The following PLEC variants were observed in gnomAD, a reference collection of about 807,000 sequenced individuals.
PLEC encodes plectin.
PLEC carries 216 observed loss-of-function variants against 392.8 expected under a neutral mutation model. The ratio of observed to expected loss-of-function variants is 0.55; its 90% CI spans 0.49 to 0.62. PLEC has a LOEUF of 0.62. Among genes scored for constraint, PLEC ranks in the 20% least tolerant of loss-of-function variants. The probability of loss-of-function intolerance (pLI) is 0.00; values close to 1 mark genes in which losing one functional copy is unlikely to be tolerated. For missense variants in PLEC, 6,863 were observed against 6,563.4 expected (o/e 1.05, Z -1.58); for synonymous variants, 3,621 against 2,980.6 (o/e 1.21, Z -7.00).
At chr8:143,942,049 C>G (rs1330857642), upstream of PLEC, among the ~76,000 whole-genome samples, 1 of 152,156 alleles carries the variant, frequency 6.6e-6, no homozygotes, top group Admixed American at 6.5e-5. Flanking sequence ...GCAGCAAGTC[C>G]ACAGAAGGCC....
upstream of PLEC, among the ~76,000 whole-genome samples, chr8:143,942,105 AC>A (rs1830567849): frequency 6.6e-6 from 1 of 151,504 alleles, no homozygotes; most frequent in Admixed American, 6.6e-5. Context: ...TGTCCTGGAA[AC>A]CCAGGCCAAA....
At chr8:143,952,376 C>G (rs1832279774), upstream of PLEC, among the ~76,000 whole-genome samples, 1 of 152,174 alleles carries the variant, frequency 6.6e-6, no homozygotes, top group Non-Finnish European at 1.5e-5. Flanking sequence ...AAAGGCCAGC[C>G]TCAGGAGGTG....
chr8:143,920,659 G>A lies in PLEC; in HGVS notation c.9162C>T (p.Ala3054=), dbSNP rs782644401. 22 of 1,604,128 alleles carry A rather than the reference G, an allele frequency of 1.4e-5. No individual in the cohort carries two copies. Among genetic ancestry groups the A allele is most frequent in the South Asian group, 5.5e-5 (5 of 91,086 alleles). The change falls in exon 32 of 32, where the codon GCC becomes GCT. Residue 3054 remains alanine (A), a synonymous_variant. Coordinates refer to ENST00000345136, the MANE Select transcript of PLEC (RefSeq NM_201384.3). ...CGGCCTGGGCTTCCAACAGGGCCACGGCCATGTCGGATGGCAGCAGGTCTT... is the reference window on the plus strand; with the variant it reads ...CGGCCTGGGCTTCCAACAGGGCCACAGCCATGTCGGATGGCAGCAGGTCTT... ...LKKDLLPSDM[A]VALLEAQAGT...
upstream of PLEC, among the ~76,000 whole-genome samples, chr8:143,955,086 G>T (rs782481863): frequency 6.6e-6 from 1 of 152,088 alleles, no homozygotes; most frequent in African/African-American, 2.4e-5. Context: ...CCCCCTGCCC[G>T]TCCCTGCCCT....
At chr8:143,931,898 G>A (rs1325290288) in intron 18 of PLEC, 39 bp downstream of exon 18, 3 of 1,552,000 alleles carry the variant, frequency 1.9e-6, no homozygotes, top group Admixed American at 3.6e-5. Context: ...CTGCAAGGCT[G>A]CCGCTGAGCC....
chr8:143,943,802 C>T (rs201452014), upstream of PLEC: 25 of 1,612,192 alleles, frequency 1.6e-5, no homozygotes, highest in South Asian at 3.3e-5. Context: ...CGCCCACCGA[C>T]GTCCCCTGCG....
upstream of PLEC, chr8:143,942,319 G>A: frequency 1.9e-6 from 3 of 1,567,826 alleles, no homozygotes; most frequent in South Asian, 2.2e-5. Context: ...GCGGTTCCCA[G>A]CAGAGACCCA....
At position 143,938,160 on chromosome 8, in the gene PLEC, C is replaced by T. The variant is rs1554725058; in HGVS notation, c.255G>A (p.Gly85=). The change falls in exon 3 of 32, where the codon GGG becomes GGA. Residue 85 remains glycine (G), a synonymous_variant. Coordinates refer to ENST00000345136, the MANE Select transcript of PLEC (RefSeq NM_201384.3). The part of the protein sequence containing the change: ...NLISLLEVLS[G]DSLPREKGRM... ...GCAGGGGCACACGTACCAGGCTGTC[C>T]CCCGAGAGGACCTCCAGCAGGGAGA... The T allele has an allele frequency of 1.2e-6, 2 of 1,605,290 alleles. No homozygotes were observed. Among genetic ancestry groups the T allele is most frequent in the Non-Finnish European group, 1.7e-6 (2 of 1,178,290 alleles).
In PLEC at chr8:143,925,443, C is replaced by A; in HGVS notation, c.4486G>T (p.Ala1496Ser). The change falls in exon 31 of 32, where the codon GCC becomes TCC. Residue 1496 changes from alanine (A) to serine (S), a missense_variant. Transcript: ENST00000345136. The part of the protein sequence containing the change: ...EAQKRQAQEE[A>S]ERLRRQVQDE... ...TGCACCTGCCTCCGCAAGCGCTCGG[C>A]CTCCTCCTGCGCCTGTCGCTTTTGT... 3 of 1,595,758 alleles carry A rather than the reference C, an allele frequency of 1.9e-6. No homozygotes were observed. Among genetic ancestry groups the A allele is most frequent in the Non-Finnish European group, 8.5e-7 (1 of 1,177,904 alleles).
rs782656170 is a variant in PLEC at position 143,924,357 on chromosome 8, CCTT to C, written c.5569_5571del (p.Lys1857del). The C allele has an allele frequency of 6.3e-6, 10 of 1,597,114 alleles. No homozygotes were observed. Among genetic ancestry groups the C allele is most frequent in the Admixed American group, 3.3e-5 (2 of 59,904 alleles). ...AGGCGCTCGTTCTCCGCCTCCTTCT[CCTT>C]GAGCGCGATCTCCGCCTCCGTCTTG... On this transcript the variant is annotated inframe_deletion, in exon 31 of 32. Coordinates refer to ENST00000345136, the MANE Select transcript of PLEC (RefSeq NM_201384.3).
Position 143,922,981 on chromosome 8 carries a change from C to T in PLEC, c.6948G>A (p.Met2316Ile). ...ALAEKMLKEK[M>I]QAVQEATRLK... ...GTCGCGTGGCCTCCTGCACCGCCTG[C>T]ATCTTCTCCTTGAGCATCTTCTCTG... The change falls in exon 31 of 32, where the codon ATG becomes ATA. Residue 2316 changes from methionine (M) to isoleucine (I), a missense_variant. Physicochemically the swap from Met to Ile is conservative, Grantham distance 10. Coordinates refer to ENST00000345136, the MANE Select transcript of PLEC (RefSeq NM_201384.3). 6.2e-7 allele frequency: 1 copy of T among 1,611,864 alleles called. No individual in the cohort carries two copies. Among genetic ancestry groups the T allele is most frequent in the East Asian group, 2.2e-5 (1 of 44,832 alleles).
chr8:143,943,353 G>A (rs755546380), upstream of PLEC, among the ~76,000 whole-genome samples: 2 of 152,224 alleles, frequency 1.3e-5, no homozygotes, highest in African/African-American at 2.4e-5. Flanking sequence ...GGCTGCCCCC[G>A]CCCCCTGTGC....
intron 5 of PLEC, among the ~76,000 whole-genome samples, chr8:143,936,468 G>C (rs1363001153): frequency 1.3e-5 from 2 of 152,214 alleles, no homozygotes; most frequent in Non-Finnish European, 2.9e-5. Context: ...ATGGTTGCAG[G>C]CTGGCAGGTG....
Position 143,927,983 on chromosome 8 carries a change from G to A in PLEC, c.3270C>T (p.Thr1090=), listed in dbSNP as rs782330377. ...LSAIYLEKLK[T]ISLVIRGTQG... The stretch of plus-strand genomic sequence containing the variant: ...GCGTGCCGCGGATCACCAGGCTGAT[G>A]GTCTTGAGCCTGGCGGGAAAGCGGG... The change falls in exon 26 of 32, where the codon ACC becomes ACT. Residue 1090 remains threonine (T), a synonymous_variant. Transcript: ENST00000345136. 18 of 1,596,276 alleles carry A rather than the reference G, an allele frequency of 1.1e-5. No individual in the cohort carries two copies. The South Asian group carries it at 1.9e-4, about 17-fold the overall frequency.
At chr8:143,952,208 A>ACACACG (rs1167020542), upstream of PLEC, among the ~76,000 whole-genome samples, 6 of 130,888 alleles carry the variant, frequency 4.6e-5, no homozygotes, top group Non-Finnish European at 6.3e-5. Flanking sequence ...ACACACACAC[A>ACACACG]CGCGCGCACA....
upstream of PLEC, among the ~76,000 whole-genome samples, chr8:143,942,961 A>G (rs566425916): frequency 9.2e-5 from 14 of 152,278 alleles, no homozygotes; most frequent in East Asian, 2.5e-3. Context: ...GAAGGGGGCA[A>G]TTGTGGGCTG....
chr8:143,938,839 G>A, intron 1 of PLEC, 147 bp from the exon 2 acceptor site: 2 of 742,048 alleles, frequency 2.7e-6, no homozygotes, highest in Non-Finnish European at 4.8e-6. Flanking sequence ...TGAGACCCAG[G>A]CGCCCTCACC....
chr8:143,934,495 G>C (rs2132040578), intron 10 of PLEC, 50 bp from the exon 11 acceptor site: 1 of 1,607,154 alleles, frequency 6.2e-7, no homozygotes. Context: ...GCAGGGGGTG[G>C]GGCGCTGGGC....
chr8:143,916,340 C>T lies in PLEC; in HGVS notation c.13481G>A (p.Arg4494His), dbSNP rs782285788. 26 of 1,598,530 alleles carry T rather than the reference C, an allele frequency of 1.6e-5. No individual in the cohort carries two copies. The highest frequency in any genetic ancestry group is 1.8e-4 in the Middle Eastern group (1 of 5,498). Residue 4494 changes from arginine to histidine, a missense_variant, in exon 32 of 32, where the codon CGC becomes CAC. Physicochemically the swap from Arg to His is conservative, Grantham distance 29 (BLOSUM62 0). Transcript: ENST00000345136. Reference protein sequence around the residue: ...GSTAGSRTGSRTGSRAGSRRG... With the variant: ...GSTAGSRTGSHTGSRAGSRRG... ...GCGGGAGCCGGCCCGGGAGCCGGTG[C>T]GCGAGCCGGTGCGGGAGCCAGCGGT...
Sources: gnomAD v4.1 joint callset for allele counts (sites outside exome capture counted in the v4.1 genomes callset) on GRCh38, gnomAD v4.1.1 for gene constraint, MANE v1.5 for transcripts, NCBI Gene and HGNC (gene_info 2026-07-23, HGNC 2026-07-21) for gene names.